Variants in OR56A3 observed in about 807,000 individuals in gnomAD.
OR56A3 encodes the protein olfactory receptor family 56 subfamily A member 3.
Under a neutral mutation model 17.5 loss-of-function variants are expected in OR56A3, and 23 were observed. That is an observed-to-expected ratio of 1.32 (90% CI 0.95 to 1.87). OR56A3 has a LOEUF of 1.87. Among genes scored for constraint, OR56A3 ranks in the 40% most tolerant of loss-of-function variants. The pLI is 0.00. For synonymous variants in OR56A3, 175 were observed against 150.6 expected (o/e 1.16, Z -1.19); for missense variants, 366 against 380.1 (o/e 0.96, Z 0.31).
At chr11:5,967,611 T>G in the OR56A3 span, 1 of 1,613,900 alleles carries the variant, frequency 6.2e-7, no homozygotes, top group Non-Finnish European at 8.5e-7. Context: ...TCTCACACCA[T>G]AAACAATGGG....
the OR56A3 span, among the ~76,000 whole-genome samples, chr11:5,973,250 T>C: frequency 2.0e-5 from 3 of 152,304 alleles, no homozygotes; most frequent in South Asian, 6.2e-4. Context: ...CATCAAAATT[T>C]TATTATGGCA....
At chr11:6,004,616 C>T in the OR56A3 span, among the ~76,000 whole-genome samples, 1 of 152,124 alleles carries the variant, frequency 6.6e-6, no homozygotes, top group Admixed American at 6.5e-5. Flanking sequence ...CATTGTAGGG[C>T]CTTAAAACAA....
intron 1 of OR56A3, among the ~76,000 whole-genome samples, chr11:5,942,767 G>T (rs1590443426): frequency 1.3e-5 from 2 of 152,256 alleles, no homozygotes; most frequent in African/African-American, 4.8e-5. Context: ...AGAGCAGCTA[G>T]CTACCTGTCA....
chr11:5,983,792 T>C, the OR56A3 span, among the ~76,000 whole-genome samples: 1 of 152,186 alleles, frequency 6.6e-6, no homozygotes, highest in Admixed American at 6.5e-5. Context: ...TGGATGGGGT[T>C]ATTGTGTTTC....
At chr11:5,945,979 A>G (rs142452453) in intron 2 of OR56A3, among the ~76,000 whole-genome samples, 1 of 152,356 alleles carries the variant, frequency 6.6e-6, no homozygotes, top group Non-Finnish European at 1.5e-5. Flanking sequence ...TAAACCTACA[A>G]AATAACATCT....
the OR56A3 span, among the ~76,000 whole-genome samples, chr11:5,979,119 A>ATTTTTTTTTTTTTTTTTTTGTTTTTT: frequency 7.2e-6 from 1 of 139,394 alleles, no homozygotes; most frequent in Non-Finnish European, 1.6e-5. Context: ...GTTAGCTAGT[A>ATTTTTTTTTTTTTTTTTTTGTTTTTT]TTTTTTTTTT....
the OR56A3 span, chr11:6,021,598 C>T: frequency 6.6e-6 from 1 of 151,950 alleles, no homozygotes; most frequent in African/African-American, 2.4e-5. Context: ...GGTTCAAATG[C>T]AGTGTCACTC....
the OR56A3 span, among the ~76,000 whole-genome samples, chr11:5,983,845 A>G: frequency 4.6e-5 from 7 of 151,896 alleles, no homozygotes; most frequent in Non-Finnish European, 1.5e-5. Flanking sequence ...TGCCTGCCTC[A>G]TGGATATGTA....
chr11:5,980,781 T>C, the OR56A3 span, among the ~76,000 whole-genome samples: 2 of 152,206 alleles, frequency 1.3e-5, no homozygotes, highest in Non-Finnish European at 2.9e-5. Context: ...CAATAGTCTA[T>C]GTACTTAAGT....
downstream of OR56A3, among the ~76,000 whole-genome samples, chr11:5,956,157 C>T (rs780073983): frequency 2.6e-5 from 4 of 152,244 alleles, no homozygotes; most frequent in South Asian, 6.2e-4. Flanking sequence ...TTATCATTCT[C>T]GAACAATTGT....
chr11:5,983,875 TC>T, the OR56A3 span, among the ~76,000 whole-genome samples: 2 of 139,260 alleles, frequency 1.4e-5, no homozygotes, highest in African/African-American at 2.6e-5. Context: ...GTAAACACTC[TC>T]TTTTTTTGTA....
chr11:5,989,066 A>G, the OR56A3 span, among the ~76,000 whole-genome samples: 1 of 152,262 alleles, frequency 6.6e-6, no homozygotes, highest in East Asian at 1.9e-4. Flanking sequence ...AAAGTCTGAA[A>G]TGCCACGTGG....
chr11:6,002,474 T>G, the OR56A3 span: 3 of 1,614,236 alleles, frequency 1.9e-6, no homozygotes, highest in Admixed American at 5.0e-5. Context: ...TTATGTTTCC[T>G]GCACAGTATC....
chr11:5,980,309 T>C, the OR56A3 span, among the ~76,000 whole-genome samples: 1 of 152,142 alleles, frequency 6.6e-6, no homozygotes, highest in Non-Finnish European at 1.5e-5. Context: ...ATTATTATTC[T>C]GTGGTTATCA....
the OR56A3 span, among the ~76,000 whole-genome samples, chr11:5,972,593 C>A: frequency 6.6e-6 from 1 of 152,306 alleles, no homozygotes; most frequent in East Asian, 1.9e-4. Flanking sequence ...ACTGTCCCAT[C>A]CCCTTCTCCA....
chr11:5,974,009 G>T, the OR56A3 span, among the ~76,000 whole-genome samples: 1 of 152,186 alleles, frequency 6.6e-6, no homozygotes, highest in Non-Finnish European at 1.5e-5. Flanking sequence ...CTTCAGGGCT[G>T]GGGCTGGTAG....
chr11:6,000,399 TG>T, the OR56A3 span: 1 of 151,864 alleles, frequency 6.6e-6, no homozygotes, highest in Admixed American at 6.6e-5. Context: ...CACTCATAGG[TG>T]GGAGTTGAAC....
At chr11:6,002,653 C>T in the OR56A3 span, 1 of 1,614,182 alleles carries the variant, frequency 6.2e-7, no homozygotes, top group Non-Finnish European at 8.5e-7. Flanking sequence ...GTGCAGGACT[C>T]CATGGTCAAA....
At chr11:5,961,343 T>C in the OR56A3 span, among the ~76,000 whole-genome samples, 2 of 152,130 alleles carry the variant, frequency 1.3e-5, no homozygotes, top group African/African-American at 4.8e-5. Flanking sequence ...AGAGATCAGA[T>C]TGTTATTGTG....
Sources: allele counts gnomAD v4.1 joint callset (sites outside exome capture counted in the v4.1 genomes callset), GRCh38; gene constraint gnomAD v4.1.1; transcripts MANE v1.5; gene names NCBI Gene and HGNC (gene_info 2026-07-23, HGNC 2026-07-21).